The following CHN2 variants were observed in gnomAD, a reference collection of about 807,000 sequenced individuals.
CHN2 encodes the protein beta-chimaerin.
A neutral mutation model predicts 56.3 loss-of-function variants in CHN2; 35 were observed. That is an observed-to-expected ratio of 0.62 (90% CI 0.47 to 0.82). The LOEUF is 0.82. CHN2 is among the 40% of genes least tolerant of loss of function. The pLI is 0.00. For missense variants in CHN2, 491 were observed against 580.5 expected, an observed-to-expected ratio of 0.85 and a Z score of 1.58; for synonymous variants, 210 against 212.8, an observed-to-expected ratio of 0.99 and a Z score of 0.12.
At chr7:29,309,101 C>T (rs1315131664) in intron 1 of CHN2, among the ~76,000 whole-genome samples, 1 of 152,106 alleles carries the variant, frequency 6.6e-6, no homozygotes, top group East Asian at 1.9e-4. Context: ...AGGGTATCCA[C>T]TATTATAGCA....
At chr7:29,419,800 C>G (rs947335848) in intron 6 of CHN2, among the ~76,000 whole-genome samples, 3 of 152,136 alleles carry the variant, frequency 2.0e-5, no homozygotes, top group African/African-American at 7.2e-5. Flanking sequence ...TTATCTCACA[C>G]CGGCCGGGTG....
intron 1 of CHN2, chr7:29,212,403 T>C: frequency 6.2e-7 from 1 of 1,607,398 alleles, no homozygotes; most frequent in East Asian, 2.2e-5. Flanking sequence ...TGAAGAAAAC[T>C]ATCCATCCTT....
chr7:29,289,680 G>A (rs1280803754), intron 1 of CHN2, among the ~76,000 whole-genome samples: 2 of 152,204 alleles, frequency 1.3e-5, no homozygotes, highest in African/African-American at 2.4e-5. Flanking sequence ...AGACAAATAT[G>A]CCCCAGCACT....
intron 1 of CHN2, among the ~76,000 whole-genome samples, chr7:29,196,010 G>A (rs934452626): frequency 5.3e-5 from 8 of 152,144 alleles, no homozygotes; most frequent in Admixed American, 5.2e-4. Flanking sequence ...GGTCAAGAAG[G>A]TCATGAAGTC....
intron 1 of CHN2, among the ~76,000 whole-genome samples, chr7:29,331,643 C>T (rs895832910): frequency 5.9e-5 from 9 of 152,132 alleles, no homozygotes; most frequent in African/African-American, 1.4e-4. Context: ...TACCCCTTGT[C>T]GGAGAATCAG....
intron 2 of CHN2, among the ~76,000 whole-genome samples, chr7:29,153,721 C>T (rs1367878139): frequency 6.6e-6 from 1 of 152,058 alleles, no homozygotes; most frequent in Non-Finnish European, 1.5e-5. Flanking sequence ...AGGTGTGTGC[C>T]ACCACACCCA....
intron 1 of CHN2, among the ~76,000 whole-genome samples, chr7:29,257,983 C>T (rs757559819): frequency 2.0e-5 from 3 of 151,912 alleles, no homozygotes; most frequent in Admixed American, 2.0e-4. Flanking sequence ...AGGGTCTTGC[C>T]GTGTTGCCCA....
rs1203099467 is a variant in CHN2 at position 29,496,023 on chromosome 7, G to C, written c.726G>C (p.Gly242=). The stretch of plus-strand genomic sequence containing the variant: ...TCATGTGGGGGCTCATCGCCCAAGG[G>C]GTCCGGTGCTCAGGTAGACACAGAA... ...ANFMWGLIAQ[G]VRCSDCGLNV... is the part of the protein sequence containing the mutation. The change falls in exon 8 of 13, where the codon GGG becomes GGC. Residue 242 remains glycine, a synonymous_variant. Transcript: ENST00000222792. 6.2e-7 allele frequency: 1 copy of C among 1,612,206 alleles called. No individual in the cohort carries two copies. Among genetic ancestry groups the C allele is most frequent in the Admixed American group, 1.7e-5 (1 of 59,534 alleles).
chr7:29,324,044 A>G (rs989665799), intron 1 of CHN2, among the ~76,000 whole-genome samples: 1 of 151,238 alleles, frequency 6.6e-6, no homozygotes, highest in African/African-American at 2.4e-5. Flanking sequence ...AAAAAAAGTT[A>G]TAGGGGGTTG....
chr7:29,480,626 C>T (rs1260074476), intron 7 of CHN2, among the ~76,000 whole-genome samples: 2 of 152,218 alleles, frequency 1.3e-5, no homozygotes, highest in Non-Finnish European at 2.9e-5. Context: ...TTCACGTTCC[C>T]ATGTCCAGTG....
At chr7:29,491,987 T>C (rs1788713580) in intron 7 of CHN2, among the ~76,000 whole-genome samples, 2 of 152,214 alleles carry the variant, frequency 1.3e-5, no homozygotes, top group South Asian at 4.1e-4. Context: ...TCACCACTGC[T>C]TCTGGAAATC....
At chr7:29,203,125 A>G (rs764390943) in intron 1 of CHN2, among the ~76,000 whole-genome samples, 6 of 152,234 alleles carry the variant, frequency 3.9e-5, no homozygotes, top group Non-Finnish European at 8.8e-5. Context: ...AATATAAAAT[A>G]TCTGACTCAT....
At chr7:29,301,787 TG>T (rs1405054509) in intron 1 of CHN2, among the ~76,000 whole-genome samples, 12 of 152,248 alleles carry the variant, frequency 7.9e-5, no homozygotes, top group African/African-American at 2.9e-4. Flanking sequence ...GTTATCATGG[TG>T]GTAGATTTCC....
In CHN2 at chr7:29,402,195, C is replaced by T. The variant is rs1219689168; in HGVS notation, c.576+1367C>T. 2.6e-5 allele frequency among the ~76,000 whole-genome samples: 4 copies of T among 152,110 alleles called. 1 individual carries two copies. The highest frequency in any genetic ancestry group is 4.1e-4 in the South Asian group (2 of 4,824). On this transcript the variant is annotated intron_variant, in intron 6 of 12. Coordinates refer to ENST00000222792, the MANE Select transcript of CHN2 (RefSeq NM_004067.4). ...GAGAGGGAGGAGGGCGGGGTGGCAC[C>T]GTGGTCCCGTTGGTGGAGACAGGGA...
At position 29,283,988 on chromosome 7, in the gene CHN2, C is replaced by A. The variant is rs187852355; in HGVS notation, c.50-70637C>A. 2.7e-3 allele frequency among the ~76,000 whole-genome samples: 370 copies of A among 138,078 alleles called. 1 individual carries two copies. The highest frequency in any genetic ancestry group is 9.2e-3 in the African/African-American group (338 of 36,804). The allele number at this position is 138,078 out of a possible 152,430, so 90.6% of individuals were successfully genotyped here. A position where few individuals can be genotyped will look rare whatever the true frequency, so the allele number is the denominator to read the frequency against. On this transcript the variant is annotated intron_variant, in intron 1 of 12. Transcript: ENST00000222792. The stretch of plus-strand genomic sequence containing the variant: ...CTCACTCTGGAGTGGCTCACTGCAA[C>A]CTCTGCCTCCCAGGTTCAAGCGATT...
At chr7:29,384,946 A>G (rs1800803337) in intron 3 of CHN2, among the ~76,000 whole-genome samples, 1 of 152,228 alleles carries the variant, frequency 6.6e-6, no homozygotes. Context: ...GAATTCAAAC[A>G]TTAATTCACA....
intron 9 of CHN2, among the ~76,000 whole-genome samples, chr7:29,502,304 TC>T (rs1790054273): frequency 6.6e-6 from 1 of 152,134 alleles, no homozygotes; most frequent in Admixed American, 6.5e-5. Flanking sequence ...AGCTTGTTGC[TC>T]TGTCCTGCTT....
intron 6 of CHN2, among the ~76,000 whole-genome samples, chr7:29,456,969 A>G (rs918511828): frequency 6.6e-6 from 1 of 151,988 alleles, no homozygotes; most frequent in African/African-American, 2.4e-5. Flanking sequence ...CATTCAGGCC[A>G]CAGTCACACA....
At chr7:29,389,175 C>T (rs7797850) in intron 3 of CHN2, among the ~76,000 whole-genome samples, 132,895 of 151,362 alleles carry the variant, frequency 0.88, 58,676 homozygotes, top group Non-Finnish European at 0.93. Flanking sequence ...TCAGAGCGTG[C>T]TGGGAACGTC....
Sources: gnomAD v4.1 joint callset for allele counts (sites outside exome capture counted in the v4.1 genomes callset) on GRCh38, gnomAD v4.1.1 for gene constraint, MANE v1.5 for transcripts, NCBI Gene and HGNC (gene_info 2026-07-23, HGNC 2026-07-21) for gene names.